Variants in TAFA1 observed in about 807,000 individuals in gnomAD.
The protein encoded by TAFA1 is TAFA chemokine like family member 1.
In TAFA1, 4 loss-of-function variants were observed where a neutral mutation model predicts 18.5. The observed-to-expected ratio is 0.22, with a 90% CI of 0.11 to 0.49. TAFA1 has a LOEUF of 0.49. Ranked by LOEUF, TAFA1 falls within the 20% of genes least tolerant of loss-of-function variation. The pLI, the probability that TAFA1 is intolerant of heterozygous loss-of-function variation, is 0.98. For missense variants in TAFA1, 147 were observed against 169.0 expected (o/e 0.87, Z 0.72); for synonymous variants, 56 against 55.2 (o/e 1.01, Z -0.06).
chr3:68,315,734 CT>C (rs2068595754), intron 2 of TAFA1, among the ~76,000 whole-genome samples: 1 of 152,124 alleles, frequency 6.6e-6, no homozygotes, highest in Admixed American at 6.6e-5. Context: ...CTTTATATGA[CT>C]GCTTTATTAT....
chr3:67,999,639 G>A (rs1248684475), upstream of TAFA1, among the ~76,000 whole-genome samples: 2 of 151,950 alleles, frequency 1.3e-5, no homozygotes, highest in Admixed American at 6.6e-5. Context: ...AGAAAATTCA[G>A]GACAGTTTCC....
At chr3:68,309,301 T>C (rs2068475967) in intron 2 of TAFA1, among the ~76,000 whole-genome samples, 1 of 152,148 alleles carries the variant, frequency 6.6e-6, no homozygotes, top group Non-Finnish European at 1.5e-5. Flanking sequence ...TAATAATCAA[T>C]TATAATATGC....
intron 3 of TAFA1, among the ~76,000 whole-genome samples, chr3:68,468,608 C>T (rs2071933580): frequency 1.3e-5 from 2 of 152,164 alleles, no homozygotes; most frequent in Admixed American, 1.3e-4. Flanking sequence ...TTACCCCTTC[C>T]TGTCAAGAGT....
intron 2 of TAFA1, among the ~76,000 whole-genome samples, chr3:68,405,348 G>C (rs896890158): frequency 1.3e-5 from 2 of 151,848 alleles, no homozygotes; most frequent in Non-Finnish European, 2.9e-5. Context: ...GAATAAAGAG[G>C]TAGGAGTAGA....
At chr3:68,122,300 T>A (rs2065409389) in intron 2 of TAFA1, among the ~76,000 whole-genome samples, 1 of 152,176 alleles carries the variant, frequency 6.6e-6, no homozygotes, top group African/African-American at 2.4e-5. Context: ...CCATTGGCAA[T>A]GACACCAACA....
intron 2 of TAFA1, among the ~76,000 whole-genome samples, chr3:68,149,034 G>C (rs546386423): frequency 1.3e-5 from 2 of 152,082 alleles, no homozygotes; most frequent in Non-Finnish European, 2.9e-5. Flanking sequence ...GTCTACTACT[G>C]ACTGTAATAC....
At chr3:68,189,929 A>T (rs2066317570) in intron 2 of TAFA1, among the ~76,000 whole-genome samples, 1 of 151,860 alleles carries the variant, frequency 6.6e-6, no homozygotes, top group Non-Finnish European at 1.5e-5. Flanking sequence ...TGTGTTAGTG[A>T]ACTTTGAAGA....
chr3:68,218,053 A>C (rs1258723239), intron 2 of TAFA1, among the ~76,000 whole-genome samples: 1 of 152,088 alleles, frequency 6.6e-6, no homozygotes, highest in Admixed American at 6.6e-5. Context: ...TCTTTATGAC[A>C]AATGGATCTT....
At chr3:68,065,657 G>A (rs973612884) in intron 2 of TAFA1, among the ~76,000 whole-genome samples, 1 of 151,796 alleles carries the variant, frequency 6.6e-6, no homozygotes, top group Middle Eastern at 3.4e-3. Context: ...ATTTGTATAT[G>A]TGTGTATATA....
chr3:68,172,974 C>T (rs13090133), intron 2 of TAFA1, among the ~76,000 whole-genome samples: 150,844 of 152,210 alleles, frequency 0.99, 74,749 homozygotes, highest in East Asian at 1. Flanking sequence ...TCTGTGAATA[C>T]ACTCAAAGCC....
intron 2 of TAFA1, among the ~76,000 whole-genome samples, chr3:68,307,883 A>G: frequency 6.6e-6 from 1 of 152,170 alleles, no homozygotes; most frequent in East Asian, 1.9e-4. Flanking sequence ...TCAGTGTGCA[A>G]GAGACTCATA....
chr3:68,232,289 T>G (rs947876105), intron 2 of TAFA1, among the ~76,000 whole-genome samples: 5 of 152,132 alleles, frequency 3.3e-5, no homozygotes, highest in African/African-American at 7.2e-5. Context: ...CTTTTTTAGC[T>G]CCCCCATATG....
chr3:68,444,333 C>G (rs906422331), intron 3 of TAFA1, among the ~76,000 whole-genome samples: 2 of 152,158 alleles, frequency 1.3e-5, no homozygotes, highest in African/African-American at 4.8e-5. Context: ...TACCAGTGAT[C>G]ACATCCAATG....
chr3:68,084,708 G>C (rs77821724), intron 2 of TAFA1, among the ~76,000 whole-genome samples: 4,263 of 151,602 alleles, frequency 0.028, 84 homozygotes, highest in East Asian at 0.1. Flanking sequence ...TCAGGCAGGA[G>C]AATCGCTTGA....
intron 2 of TAFA1, among the ~76,000 whole-genome samples, chr3:68,017,200 A>G (rs1336164835): frequency 6.6e-6 from 1 of 152,248 alleles, no homozygotes; most frequent in Non-Finnish European, 1.5e-5. Context: ...TGGGGGTCTT[A>G]TTAAAATGAA....
intron 3 of TAFA1, among the ~76,000 whole-genome samples, chr3:68,452,960 A>G (rs1398665738): frequency 6.6e-6 from 1 of 152,186 alleles, no homozygotes; most frequent in Non-Finnish European, 1.5e-5. Context: ...GTAGTTGTCA[A>G]TCATGGGCTC....
chr3:68,040,324 A>G (rs2106675753), intron 2 of TAFA1, among the ~76,000 whole-genome samples: 1 of 152,170 alleles, frequency 6.6e-6, no homozygotes, highest in South Asian at 2.1e-4. Context: ...GAGCCAGCCA[A>G]TCACCTTAAC....
At chr3:68,261,726 T>C (rs1167039438) in intron 2 of TAFA1, among the ~76,000 whole-genome samples, 3 of 151,976 alleles carry the variant, frequency 2.0e-5, no homozygotes, top group African/African-American at 4.8e-5. Context: ...TGAGAACACA[T>C]GGATACAGGA....
At chr3:68,508,691 C>CA (rs1404158510) in intron 3 of TAFA1, among the ~76,000 whole-genome samples, 1 of 151,750 alleles carries the variant, frequency 6.6e-6, no homozygotes, top group Admixed American at 6.6e-5. Flanking sequence ...GGAAATCAGA[C>CA]AAAAATAACA....
Sources: gnomAD v4.1 joint callset for allele counts (sites outside exome capture counted in the v4.1 genomes callset) on GRCh38, gnomAD v4.1.1 for gene constraint, MANE v1.5 for transcripts, NCBI Gene and HGNC (gene_info 2026-07-23, HGNC 2026-07-21) for gene names.